STX18: variants seen among roughly 807,000 people sequenced by gnomAD.
STX18 encodes the protein syntaxin-18.
In STX18, 40 loss-of-function variants were observed where a neutral mutation model predicts 50.1. That is an observed-to-expected ratio of 0.80 (90% CI 0.62 to 1.04). The LOEUF (loss-of-function observed/expected upper bound fraction) is 1.04. STX18 is among the 50% of genes least tolerant of loss of function. The pLI is 0.00. For synonymous variants in STX18, 158 were observed against 151.8 expected, an observed-to-expected ratio of 1.04 and a Z score of -0.30; for missense variants, 410 against 415.8, an observed-to-expected ratio of 0.99 and a Z score of 0.12.
chr4:4,539,785 C>T (rs754509876), intron 1 of STX18, among the ~76,000 whole-genome samples: 2 of 147,786 alleles, frequency 1.4e-5, no homozygotes, highest in Non-Finnish European at 3.0e-5. Context: ...GTCCCTGAGG[C>T]CCATTAACTC....
chr4:4,423,372 G>C, intron 9 of STX18, 146 bp downstream of exon 9: 3 of 774,632 alleles, frequency 3.9e-6, no homozygotes, highest in Non-Finnish European at 6.5e-6. Flanking sequence ...TTTCCCTGAG[G>C]AGCTCTGCGC....
chr4:4,424,165 G>T (rs1231890032), intron 8 of STX18, among the ~76,000 whole-genome samples: 3 of 152,122 alleles, frequency 2.0e-5, no homozygotes, highest in Admixed American at 1.3e-4. Flanking sequence ...TGAAACACTT[G>T]GGCTAGCCAT....
At chr4:4,539,176 G>A (rs1205515389) in intron 1 of STX18, among the ~76,000 whole-genome samples, 3 of 152,182 alleles carry the variant, frequency 2.0e-5, no homozygotes, top group African/African-American at 4.8e-5. Flanking sequence ...TGGAATGGAA[G>A]AATAGAAATT....
At chr4:4,512,207 T>A (rs1013583757) in intron 1 of STX18, among the ~76,000 whole-genome samples, 1 of 152,166 alleles carries the variant, frequency 6.6e-6, no homozygotes, top group Non-Finnish European at 1.5e-5. Flanking sequence ...CTACTTGTTT[T>A]GTCTGCATTT....
rs76511861 is a variant in STX18, at chr4:4,521,013, C to A, written c.168+20784G>T. On this transcript the variant is annotated intron_variant, in intron 1 of 10. Transcript: ENST00000306200. ...TCTTTGAAGATGAAAAACATTTTCA[C>A]CACATCCTACAAAATCCCACCTGAC... 1.0e-3 allele frequency among the ~76,000 whole-genome samples: 158 copies of A among 152,290 alleles called. 1 individual carries two copies. The East Asian group carries it at 0.026, about 25-fold the overall frequency.
intron 5 of STX18, among the ~76,000 whole-genome samples, chr4:4,455,407 T>A (rs1158390725): frequency 3.3e-5 from 5 of 152,214 alleles, no homozygotes; most frequent in African/African-American, 4.8e-5. Context: ...TTTGTTGGCA[T>A]TAACAATTTC....
intron 1 of STX18, among the ~76,000 whole-genome samples, chr4:4,539,375 CA>C (rs1480314211): frequency 6.6e-6 from 1 of 152,166 alleles, no homozygotes; most frequent in Non-Finnish European, 1.5e-5. Flanking sequence ...AAATAACAGC[CA>C]AACTTTTGAC....
At chr4:4,485,822 G>C (rs539072771) in intron 1 of STX18, among the ~76,000 whole-genome samples, 1 of 152,254 alleles carries the variant, frequency 6.6e-6, no homozygotes, top group African/African-American at 2.4e-5. Context: ...GCTCTCCTCC[G>C]TATCTTTTCT....
Position 4,453,633 on chromosome 4 carries a change from C to T in STX18, c.497+3558G>A, listed in dbSNP as rs560317507. The stretch of plus-strand genomic sequence containing the variant: ...TCTGGAACCACACCTGTGATATCTC[C>T]GAGGTACGCCTGTCCTTCTTTTATG... On this transcript the variant is annotated intron_variant, in intron 5 of 10. Coordinates refer to ENST00000306200, the MANE Select transcript of STX18 (RefSeq NM_016930.4). The T allele has an allele frequency of 1.4e-4, 134 of 969,446 alleles. 1 individual carries two copies. In the African/African-American group the frequency reaches 2.3e-3, roughly 16 times the overall value. The allele number at this position is 969,446 out of a possible 1,614,324, so 60.1% of individuals were successfully genotyped here.
intron 5 of STX18, among the ~76,000 whole-genome samples, chr4:4,440,196 G>A (rs1413673426): frequency 6.6e-6 from 1 of 152,236 alleles, no homozygotes; most frequent in African/African-American, 2.4e-5. Flanking sequence ...GTTAGGCAGA[G>A]AGACTGTAAT....
At position 4,420,712 on chromosome 4, in the gene STX18, C is replaced by A. The variant is rs368925071; in HGVS notation, c.912+152G>T. On this transcript the variant is annotated intron_variant, in intron 10 of 10. Coordinates refer to ENST00000306200, the MANE Select transcript of STX18 (RefSeq NM_016930.4). The surrounding 1 kb of genome is among the most constrained non-coding windows in gnomAD (Gnocchi z 4.3). ...GGCGACAGGTGGTGGGTCTCATGAA[C>A]ACACGCAGCTCCGCGGTCACACAAT... 34 of 684,624 alleles carry A rather than the reference C, an allele frequency of 5.0e-5. No individual in the cohort carries two copies. In the East Asian group the frequency reaches 6.6e-4, roughly 13 times the overall value. The allele number at this position is 684,624 out of a possible 1,614,324, so 42.4% of individuals were successfully genotyped here.
chr4:4,527,693 G>C (rs556731357), intron 1 of STX18, among the ~76,000 whole-genome samples: 1 of 150,472 alleles, frequency 6.6e-6, no homozygotes, highest in Admixed American at 6.6e-5. Flanking sequence ...ACGTCACTGA[G>C]AGAAAAATCT....
intron 1 of STX18, among the ~76,000 whole-genome samples, chr4:4,518,888 C>G (rs1275055356): frequency 1.3e-5 from 2 of 152,068 alleles, no homozygotes; most frequent in Non-Finnish European, 2.9e-5. Flanking sequence ...CTATAAGAAA[C>G]AAAAGAAAGC....
intron 1 of STX18, among the ~76,000 whole-genome samples, chr4:4,527,863 C>CAA (rs1730862965): frequency 9.7e-6 from 1 of 103,262 alleles, no homozygotes; most frequent in African/African-American, 3.5e-5. Flanking sequence ...CACACACACA[C>CAA]ACACATATAT....
chr4:4,490,291 A>C (rs1053126349), intron 1 of STX18, among the ~76,000 whole-genome samples: 5 of 152,174 alleles, frequency 3.3e-5, no homozygotes, highest in Non-Finnish European at 7.4e-5. Flanking sequence ...CATATGTAAC[A>C]ATAGCCAAAG....
chr4:4,455,008 T>A (rs1726990032), intron 5 of STX18, among the ~76,000 whole-genome samples: 1 of 152,212 alleles, frequency 6.6e-6, no homozygotes, highest in Non-Finnish European at 1.5e-5. Context: ...TTAGGTACTA[T>A]GAGTTTTCCC....
intron 4 of STX18, 44 bp downstream of exon 4, chr4:4,457,379 T>G: frequency 6.3e-7 from 1 of 1,575,508 alleles, no homozygotes; most frequent in Non-Finnish European, 8.7e-7. Context: ...GCATCACATC[T>G]ATTGTGAAAT....
intron 1 of STX18, among the ~76,000 whole-genome samples, chr4:4,534,930 C>G (rs937339230): frequency 6.6e-6 from 1 of 152,228 alleles, no homozygotes; most frequent in African/African-American, 2.4e-5. Flanking sequence ...TTTGTGGACC[C>G]CTGCTCTAAC....
At chr4:4,455,325 C>G (rs1727009624) in intron 5 of STX18, among the ~76,000 whole-genome samples, 1 of 152,238 alleles carries the variant, frequency 6.6e-6, no homozygotes, top group African/African-American at 2.4e-5. Flanking sequence ...CCTCTCAGTG[C>G]ATTATATAAT....
Sources: gnomAD v4.1 joint callset for allele counts (sites outside exome capture counted in the v4.1 genomes callset) on GRCh38, gnomAD v4.1.1 for gene constraint, Gnocchi (gnomAD v3.1) non-coding constraint, MANE v1.5 for transcripts, NCBI Gene and HGNC (gene_info 2026-07-23, HGNC 2026-07-21) for gene names.